Variants in TTBK2 observed in about 807,000 individuals in gnomAD.
The protein encoded by TTBK2 is tau tubulin kinase 2, also known as tau-tubulin kinase 2.
In TTBK2, 28 loss-of-function variants were observed where a neutral mutation model predicts 110.8. The observed-to-expected ratio is 0.25, with a 90% CI of 0.19 to 0.35. The LOEUF (loss-of-function observed/expected upper bound fraction) is 0.35, where lower values mean the gene tolerates loss of function less well. TTBK2 is among the 10% of genes least tolerant of loss of function. The probability of loss-of-function intolerance (pLI) is 1.00; values close to 1 mark genes in which losing one functional copy is unlikely to be tolerated. For missense variants in TTBK2, 1,369 were observed against 1,500.3 expected (o/e 0.91, Z 1.45); for synonymous variants, 532 against 527.3 (o/e 1.01, Z -0.12).
chr15:42,880,943 C>T (rs763400648), intron 1 of TTBK2, among the ~76,000 whole-genome samples: 1 of 151,780 alleles, frequency 6.6e-6, no homozygotes, highest in Non-Finnish European at 1.5e-5. Context: ...TAAAATAAAC[C>T]ATTGCATCCA....
chr15:42,782,399 C>T (rs1457735270), intron 11 of TTBK2, among the ~76,000 whole-genome samples: 1 of 152,112 alleles, frequency 6.6e-6, no homozygotes, highest in East Asian at 1.9e-4. Context: ...ACTTATACTT[C>T]TACTTCAACC....
chr15:42,882,130 GAA>G (rs949240414), intron 1 of TTBK2, among the ~76,000 whole-genome samples: 1 of 151,162 alleles, frequency 6.6e-6, no homozygotes, highest in South Asian at 2.1e-4. Flanking sequence ...GTTTAGGACA[GAA>G]AAAAATAAAA....
chr15:42,785,929 C>T (rs1415951203), intron 10 of TTBK2, among the ~76,000 whole-genome samples: 1 of 152,046 alleles, frequency 6.6e-6, no homozygotes, highest in Non-Finnish European at 1.5e-5. Context: ...ACAGTTAGAT[C>T]CTGGCACTGG....
intron 13 of TTBK2, among the ~76,000 whole-genome samples, chr15:42,773,831 G>GCCC (rs1889782109): frequency 1.3e-5 from 2 of 151,538 alleles, no homozygotes; most frequent in Admixed American, 6.5e-5. Flanking sequence ...GGAGTTAGTA[G>GCCC]TTACCTCCCT....
intron 1 of TTBK2, among the ~76,000 whole-genome samples, chr15:42,885,373 A>T (rs1172584316): frequency 6.6e-6 from 1 of 151,232 alleles, no homozygotes; most frequent in East Asian, 1.9e-4. Context: ...CTACCCCTCA[A>T]CCTCTTTCTC....
chr15:42,818,722 AAAAC>A lies in TTBK2; in HGVS notation c.538-1629_538-1626del, dbSNP rs372512392. Reference sequence around the variant, plus strand: ...GCGACAGAACGAGACTCCGTCTCAAAAAACAAACAAACAAAAAATCTGAAATCCA... The same window carrying A: ...GCGACAGAACGAGACTCCGTCTCAAAAAACAAACAAAAAATCTGAAATCCA... On this transcript the variant is annotated intron_variant, in intron 6 of 14. Transcript: ENST00000267890. Among the ~76,000 whole-genome samples, 661 of 152,052 alleles carry A rather than the reference AAAAC, an allele frequency of 4.3e-3. 11 individuals are homozygous for A. Among genetic ancestry groups the A allele is most frequent in the African/African-American group, 0.015 (629 of 41,520 alleles).
At chr15:42,784,317 G>A (rs1055134343) in intron 10 of TTBK2, among the ~76,000 whole-genome samples, 3 of 151,604 alleles carry the variant, frequency 2.0e-5, no homozygotes, top group African/African-American at 4.9e-5. Context: ...CACTCTTGTC[G>A]CCCAGGCTGG....
chr15:42,912,076 C>A (rs1339832251), intron 1 of TTBK2, among the ~76,000 whole-genome samples: 1 of 152,168 alleles, frequency 6.6e-6, no homozygotes, highest in South Asian at 2.1e-4. Context: ...GGCCCATGGG[C>A]CGCTGGTTGC....
chr15:42,780,984 C>T lies in TTBK2; in HGVS notation c.1197+2435G>A, dbSNP rs138109380. Among the ~76,000 whole-genome samples, 681 of 151,844 alleles carry T rather than the reference C, an allele frequency of 4.5e-3. 2 individuals carry two copies. The highest frequency in any genetic ancestry group is 7.3e-3 in the Non-Finnish European group (497 of 67,882). ...GTCTCAGAAAATAAATACACAAATA[C>T]AATAATAATTCTAAATGTAAATCAA... On this transcript the variant is annotated intron_variant, in intron 11 of 14. Transcript: ENST00000267890.
At chr15:42,847,497 T>C (rs76819222) in intron 3 of TTBK2, among the ~76,000 whole-genome samples, 1,598 of 152,356 alleles carry the variant, frequency 0.01, 24 homozygotes, top group African/African-American at 0.037. Context: ...GCTTCTTGCC[T>C]AAACTCAAGT....
intron 6 of TTBK2, among the ~76,000 whole-genome samples, chr15:42,823,816 T>C (rs1187513780): frequency 6.6e-6 from 1 of 152,072 alleles, no homozygotes; most frequent in African/African-American, 2.4e-5. Flanking sequence ...TCTTCCAATG[T>C]GGCCCAGGGA....
At chr15:42,855,660 C>T (rs937213653) in intron 3 of TTBK2, among the ~76,000 whole-genome samples, 10 of 152,068 alleles carry the variant, frequency 6.6e-5, no homozygotes, top group African/African-American at 2.4e-4. Flanking sequence ...TCATATAAGG[C>T]CACAACTTAT....
chr15:42,827,787 T>C (rs566718357), intron 6 of TTBK2, 141 bp downstream of exon 6: 1 of 717,254 alleles, frequency 1.4e-6, no homozygotes, highest in South Asian at 1.8e-5. Context: ...TTATTGTCAT[T>C]CTATAATTTA....
chr15:42,801,140 C>T (rs1891176736), intron 9 of TTBK2: 1 of 1,112,412 alleles, frequency 9.0e-7, no homozygotes, highest in Non-Finnish European at 1.4e-6. Context: ...CCCCATAGGC[C>T]AAGCTCTGAC....
intron 1 of TTBK2, among the ~76,000 whole-genome samples, chr15:42,902,274 A>C (rs901406099): frequency 6.6e-6 from 1 of 151,616 alleles, no homozygotes; most frequent in East Asian, 1.9e-4. Context: ...TAATCCCAGC[A>C]TTTCGGGAGG....
Position 42,801,316 on chromosome 15 carries a change from T to C in TTBK2, c.823-6515A>G, listed in dbSNP as rs1403877468. On this transcript the variant is annotated intron_variant, in intron 9 of 14. Transcript: ENST00000267890. ...TGGTACTCACGCAGCTGCCGCGCCATGTCTTGACTGGCTAGCTGCAGGGCG... is the reference window on the plus strand; with the variant it reads ...TGGTACTCACGCAGCTGCCGCGCCACGTCTTGACTGGCTAGCTGCAGGGCG... 3.7e-6 allele frequency: 6 copies of C among 1,602,394 alleles called. 1 individual carries two copies. Among genetic ancestry groups the C allele is most frequent in the Middle Eastern group, 1.7e-4 (1 of 6,032 alleles).
At chr15:42,851,373 G>A (rs900312101) in intron 3 of TTBK2, among the ~76,000 whole-genome samples, 28 of 152,126 alleles carry the variant, frequency 1.8e-4, no homozygotes, top group African/African-American at 5.8e-4. Flanking sequence ...TCAGTGTTTT[G>A]TATGCCATGT....
intron 1 of TTBK2, among the ~76,000 whole-genome samples, chr15:42,905,872 C>A (rs983700841): frequency 6.6e-6 from 1 of 152,144 alleles, no homozygotes; most frequent in Non-Finnish European, 1.5e-5. Context: ...TTATTCATCA[C>A]AGTGCCTAGT....
Position 42,816,980 on chromosome 15 carries a change from A to C in TTBK2, c.603+52T>G, listed in dbSNP as rs374013345. 1.4e-4 allele frequency: 173 copies of C among 1,216,446 alleles called. No homozygotes were observed. The African/African-American group carries it at 2.6e-3, about 18-fold the overall frequency. 75.4% of individuals were successfully genotyped at this position (1,216,446 alleles called of 1,614,324 possible). ...ATAAAATAAAAAAGAAGTCAATCTG[A>C]TTTAAGCTATTAGCATACTTATACA... On this transcript the variant is annotated intron_variant, in intron 7 of 14. Transcript: ENST00000267890.
Sources: gnomAD v4.1 joint callset for allele counts (sites outside exome capture counted in the v4.1 genomes callset) on GRCh38, gnomAD v4.1.1 for gene constraint, MANE v1.5 for transcripts, NCBI Gene and HGNC (gene_info 2026-07-23, HGNC 2026-07-21) for gene names.